MTMR3: variants seen among roughly 807,000 people sequenced by gnomAD.
MTMR3 encodes myotubularin related protein 3.
In MTMR3, 32 loss-of-function variants were observed where a neutral mutation model predicts 132.4. That is an observed-to-expected ratio of 0.24 (90% CI 0.18 to 0.32). MTMR3 has a LOEUF of 0.32. MTMR3 is among the 10% of genes least tolerant of loss of function. MTMR3 has a pLI of 1.00. For synonymous variants in MTMR3, 556 were observed against 550.3 expected, an observed-to-expected ratio of 1.01 and a Z score of -0.14; for missense variants, 1,216 against 1,489.6, an observed-to-expected ratio of 0.82 and a Z score of 3.02.
At chr22:29,901,150 A>G (rs1358867440) in intron 1 of MTMR3, among the ~76,000 whole-genome samples, 1 of 152,058 alleles carries the variant, frequency 6.6e-6, no homozygotes, top group Non-Finnish European at 1.5e-5. Flanking sequence ...TGTTTTGACC[A>G]TGATGATTCT....
intron 8 of MTMR3, chr22:30,002,455 G>A (rs8142101): frequency 0.059 from 9,068 of 152,930 alleles, 505 homozygotes; most frequent in South Asian, 0.24. Flanking sequence ...GAACTGACAC[G>A]GACTCTCAGT....
At chr22:29,889,602 G>GT (rs200646733) in intron 1 of MTMR3, among the ~76,000 whole-genome samples, 4 of 150,516 alleles carry the variant, frequency 2.7e-5, no homozygotes, top group African/African-American at 9.8e-5. Flanking sequence ...CGGTTTTAGT[G>GT]TTTTTTAAAA....
chr22:30,007,804 C>T (rs1601410345), intron 10 of MTMR3, 97 bp from the exon 11 acceptor site: 3 of 1,426,402 alleles, frequency 2.1e-6, no homozygotes, highest in Non-Finnish European at 2.8e-6. Flanking sequence ...TTTTATTGAG[C>T]CTTTTTTGTG....
intron 1 of MTMR3, among the ~76,000 whole-genome samples, chr22:29,946,226 GAAC>G (rs747080765): frequency 6.6e-6 from 1 of 152,168 alleles, no homozygotes; most frequent in Non-Finnish European, 1.5e-5. Flanking sequence ...GGAATACCTA[GAAC>G]AACTGTGATT....
Position 30,022,451 on chromosome 22 carries a change from T to G in MTMR3, c.3337-158T>G. 1.2e-5 allele frequency: 8 copies of G among 666,526 alleles called. No individual in the cohort carries two copies. The South Asian group carries it at 1.4e-4, about 12-fold the overall frequency. The allele number at this position is 666,526 out of a possible 1,614,324, so 41.3% of individuals were successfully genotyped here. A position where few individuals can be genotyped will look rare whatever the true frequency, so the allele number is the denominator to read the frequency against. On this transcript the variant is annotated intron_variant, in intron 18 of 19. Coordinates refer to ENST00000401950, the MANE Select transcript of MTMR3 (RefSeq NM_021090.4). ...TTGGAGTCCCCTCCAGGGAAACGAT[T>G]TGGACGCCTTTCTTGTACTGTTGAC...
chr22:29,975,612 T>G (rs968322789), intron 3 of MTMR3, among the ~76,000 whole-genome samples: 1 of 152,256 alleles, frequency 6.6e-6, no homozygotes, highest in Admixed American at 6.5e-5. Flanking sequence ...TGTGTTTTTT[T>G]GTTTTTGACA....
At chr22:29,886,733 TC>T (rs772733481) in intron 1 of MTMR3, among the ~76,000 whole-genome samples, 11 of 152,234 alleles carry the variant, frequency 7.2e-5, no homozygotes, top group East Asian at 1.9e-4. Context: ...CAAAAGTGCT[TC>T]CGATGTTGAA....
At chr22:29,928,713 G>A (rs2065577756) in intron 1 of MTMR3, among the ~76,000 whole-genome samples, 1 of 151,970 alleles carries the variant, frequency 6.6e-6, no homozygotes, top group Admixed American at 6.6e-5. Flanking sequence ...CGAAGTCTCG[G>A]CATGTTGCCT....
intron 3 of MTMR3, among the ~76,000 whole-genome samples, chr22:29,974,214 T>C (rs2145877335): frequency 6.6e-6 from 1 of 152,278 alleles, no homozygotes; most frequent in South Asian, 2.1e-4. Flanking sequence ...GACCAGCGTT[T>C]CCCAATTTAT....
At chr22:30,005,441 C>G (rs1000019111) in intron 9 of MTMR3, 7 of 152,182 alleles carry the variant, frequency 4.6e-5, no homozygotes. Context: ...TTGGGCACTG[C>G]TGGGAAGCAT....
At chr22:30,005,699 G>C (rs903092381) in intron 9 of MTMR3, 1 of 152,164 alleles carries the variant, frequency 6.6e-6, no homozygotes, top group Non-Finnish European at 1.5e-5. Context: ...GGTGATTTCA[G>C]TGGAATTTGA....
intron 1 of MTMR3, among the ~76,000 whole-genome samples, chr22:29,894,503 CGTGTGTGTGTGTGTGTGTGT>C (rs144670905): frequency 6.8e-6 from 1 of 147,176 alleles, no homozygotes; most frequent in East Asian, 2.0e-4. Flanking sequence ...GTTCTGTATC[CGTGTGTGTGTGTGTGTGTGT>C]GTGTGTGTGT....
rs527726694 is a variant in MTMR3, at chr22:29,933,598, T to G, written c.-137-23438T>G. Among the ~76,000 whole-genome samples the G allele has an allele frequency of 3.9e-5, 6 of 152,306 alleles. No individual in the cohort carries two copies. In the East Asian group the frequency reaches 1.2e-3, roughly 29 times the overall value. ...TCATTTGTATTTCACTGGGTGGTTG[T>G]CACCAGGTATGCTCTCTTCCATTAT... On this transcript the variant is annotated intron_variant, in intron 1 of 19. Coordinates refer to ENST00000401950, the MANE Select transcript of MTMR3 (RefSeq NM_021090.4).
intron 1 of MTMR3, among the ~76,000 whole-genome samples, chr22:29,886,674 A>G (rs1294577226): frequency 2.0e-5 from 3 of 152,208 alleles, no homozygotes; most frequent in African/African-American, 7.2e-5. Context: ...AAAAGAAACA[A>G]GATTCTGTGT....
chr22:29,928,715 A>T (rs1223084636), intron 1 of MTMR3, among the ~76,000 whole-genome samples: 1 of 152,000 alleles, frequency 6.6e-6, no homozygotes. Flanking sequence ...AAGTCTCGGC[A>T]TGTTGCCTAG....
chr22:30,014,551 C>CGG (rs2067525096), intron 14 of MTMR3: 1 of 133,594 alleles, frequency 7.5e-6, no homozygotes, highest in Non-Finnish European at 1.5e-5. Context: ...CTGTGTCACC[C>CGG]AAGCTGGAGT....
At chr22:29,945,288 AG>A (rs1448245209) in intron 1 of MTMR3, among the ~76,000 whole-genome samples, 2 of 152,170 alleles carry the variant, frequency 1.3e-5, no homozygotes, top group African/African-American at 4.8e-5. Context: ...TACAGTTGTG[AG>A]CCACTGCACC....
At chr22:29,976,079 T>A (rs936231601) in intron 3 of MTMR3, among the ~76,000 whole-genome samples, 1 of 152,024 alleles carries the variant, frequency 6.6e-6, no homozygotes, top group Admixed American at 6.5e-5. Context: ...GTTCGTTGAT[T>A]GAGGCAGATC....
chr22:29,908,646 G>C (rs1156592217), intron 1 of MTMR3, among the ~76,000 whole-genome samples: 1 of 150,318 alleles, frequency 6.7e-6, no homozygotes, highest in Non-Finnish European at 1.5e-5. Context: ...TTTTCATTTT[G>C]TTGAAGGGTA....
Sources: allele counts gnomAD v4.1 joint callset (sites outside exome capture counted in the v4.1 genomes callset), GRCh38; gene constraint gnomAD v4.1.1; transcripts MANE v1.5; gene names NCBI Gene and HGNC (gene_info 2026-07-23, HGNC 2026-07-21).